Variants in CREB5 observed in about 807,000 individuals in gnomAD.
CREB5 encodes cAMP responsive element binding protein 5, also known as cyclic AMP-responsive element-binding protein 5.
A neutral mutation model predicts 57.1 loss-of-function variants in CREB5; 19 were observed. The ratio of observed to expected loss-of-function variants is 0.33; its 90% CI spans 0.23 to 0.49. The LOEUF is 0.49. CREB5 is among the 20% of genes least tolerant of loss of function. The pLI, the probability that CREB5 is intolerant of heterozygous loss-of-function variation, is 0.99. For missense variants in CREB5, 579 were observed against 671.6 expected, an observed-to-expected ratio of 0.86 and a Z score of 1.52; for synonymous variants, 238 against 238.3, an observed-to-expected ratio of 1.00 and a Z score of 0.01.
At chr7:28,442,659 G>A (rs1185939920) in intron 1 of CREB5, among the ~76,000 whole-genome samples, 1 of 152,096 alleles carries the variant, frequency 6.6e-6, no homozygotes, top group Admixed American at 6.5e-5. Flanking sequence ...TCTAACTGGG[G>A]TGAGATGATA....
chr7:28,396,831 C>T (rs527603683), intron 1 of CREB5, among the ~76,000 whole-genome samples: 1 of 152,270 alleles, frequency 6.6e-6, no homozygotes, highest in Admixed American at 6.5e-5. Flanking sequence ...CTGGCCCTGT[C>T]TTGTCTTATG....
chr7:28,626,506 G>T (rs1450600027), intron 5 of CREB5, among the ~76,000 whole-genome samples: 3 of 152,142 alleles, frequency 2.0e-5, no homozygotes, highest in African/African-American at 7.2e-5. Context: ...CCTGCCCGTA[G>T]CTAAGGAGCT....
chr7:28,570,392 G>A lies in CREB5; in HGVS notation c.319G>A (p.Gly107Arg). 6.2e-7 allele frequency: 1 copy of A among 1,613,918 alleles called. No individual in the cohort carries two copies. The highest frequency in any genetic ancestry group is 8.5e-7 in the Non-Finnish European group (1 of 1,179,860). ...TATCTCGATGCATAATGCAGTTGGT[G>A]GGGCCATGACGGGGCCCGGAACTCA... ...RNISMHNAVG[G>R]AMTGPGTHQL... Residue 107 changes from glycine (G) to arginine (R), a missense_variant, in exon 5 of 11, where the codon GGG (glycine) becomes AGG (arginine). Gly to Arg is a moderately radical substitution (Grantham distance 125). This residue lies in a region of CREB5 where 459 missense variants were observed against 515.7 expected (regional missense o/e 0.89). Transcript: ENST00000357727.
intron 7 of CREB5, among the ~76,000 whole-genome samples, chr7:28,794,856 A>T (rs1385887522): frequency 6.6e-6 from 1 of 152,202 alleles, no homozygotes; most frequent in African/African-American, 2.4e-5. Context: ...CTTTTTAGAA[A>T]TCATCAAACG....
intron 7 of CREB5, among the ~76,000 whole-genome samples, chr7:28,759,794 A>G (rs10227088): frequency 0.68 from 102,785 of 152,112 alleles, 35,112 homozygotes; most frequent in East Asian, 0.84. Flanking sequence ...AGTGGGAACC[A>G]TTTGGAATTT....
intron 5 of CREB5, among the ~76,000 whole-genome samples, chr7:28,622,403 T>C (rs1414496576): frequency 1.3e-5 from 2 of 151,994 alleles, no homozygotes; most frequent in Non-Finnish European, 2.9e-5. Context: ...ATGCCCTCTA[T>C]AAGGCAGCTA....
At chr7:28,482,763 G>A (rs1221454204) in intron 1 of CREB5, among the ~76,000 whole-genome samples, 1 of 152,152 alleles carries the variant, frequency 6.6e-6, no homozygotes, top group Non-Finnish European at 1.5e-5. Context: ...AATATCAGAG[G>A]TGACAGGGAC....
rs868317902 is a variant in CREB5, at chr7:28,698,367, A to C, written c.465-20386A>C. Among the ~76,000 whole-genome samples, 5 of 147,226 alleles carry C rather than the reference A, an allele frequency of 3.4e-5. No homozygotes were observed. The East Asian group carries it at 5.8e-4, about 17-fold the overall frequency. Reference sequence around the variant, plus strand: ...CCCACTCCCCACCAAAAAAAAAAAAAAAAACACACTCACAGGGCTAAGAGA... The same window carrying C: ...CCCACTCCCCACCAAAAAAAAAAAACAAAACACACTCACAGGGCTAAGAGA... On this transcript the variant is annotated intron_variant, in intron 5 of 10. Coordinates refer to ENST00000357727, the MANE Select transcript of CREB5 (RefSeq NM_182898.4).
At chr7:28,445,188 C>T (rs964093888) in intron 1 of CREB5, among the ~76,000 whole-genome samples, 8 of 152,296 alleles carry the variant, frequency 5.3e-5, no homozygotes, top group African/African-American at 1.9e-4. Flanking sequence ...TCCCCAGCCA[C>T]GTGGAACTGC....
intron 5 of CREB5, among the ~76,000 whole-genome samples, chr7:28,681,515 C>G (rs1448360868): frequency 2.6e-5 from 4 of 152,070 alleles, no homozygotes; most frequent in African/African-American, 7.2e-5. Flanking sequence ...TAGATGTATG[C>G]CACCACGCCC....
rs1809844688 is a variant in CREB5 at position 28,822,657 on chromosome 7, CA to C, written c.*3380del. ...CCCTGCCTTATGTGATGGGAGTTAA[CA>C]ACTCAGATAAGTACACCTGAGAGCA... On this transcript the variant is annotated 3_prime_UTR_variant, in exon 11 of 11. Coordinates refer to ENST00000357727, the MANE Select transcript of CREB5 (RefSeq NM_182898.4). 1.3e-5 allele frequency: 2 copies of C among 152,612 alleles called. No homozygotes were observed. Among genetic ancestry groups the C allele is most frequent in the Non-Finnish European group, 2.9e-5 (2 of 68,044 alleles). 9.5% of individuals were successfully genotyped at this position (152,612 alleles called of 1,614,324 possible). A position where few individuals can be genotyped will look rare whatever the true frequency, so the allele number is the denominator to read the frequency against.
chr7:28,613,815 C>CA (rs1334791851), intron 5 of CREB5, among the ~76,000 whole-genome samples: 2 of 152,106 alleles, frequency 1.3e-5, no homozygotes, highest in Non-Finnish European at 2.9e-5. Flanking sequence ...GGCTTAGAGT[C>CA]AGAGTTCAAA....
intron 5 of CREB5, among the ~76,000 whole-genome samples, chr7:28,668,925 G>C (rs755666538): frequency 3.9e-5 from 6 of 152,142 alleles, no homozygotes; most frequent in Non-Finnish European, 5.9e-5. Flanking sequence ...CTCAGTTCTA[G>C]ACCTTGTCCT....
At chr7:28,560,866 C>CGTGTGCGTGCGCGCGTGTGCG (rs1562797336) in intron 4 of CREB5, among the ~76,000 whole-genome samples, 1 of 50,264 alleles carries the variant, frequency 2.0e-5, no homozygotes, top group Non-Finnish European at 4.3e-5. Flanking sequence ...GTGCGTGTGC[C>CGTGTGCGTGCGCGCGTGTGCG]TGCGTGCGCG....
upstream of CREB5, chr7:28,410,121 C>T (rs1175680585): frequency 2.6e-6 from 1 of 383,440 alleles, no homozygotes; most frequent in Non-Finnish European, 5.1e-6. Flanking sequence ...GCAGCTGCCA[C>T]CTCTCCCGCC....
intron 4 of CREB5, among the ~76,000 whole-genome samples, chr7:28,534,382 C>T (rs1793867074): frequency 6.6e-6 from 1 of 152,252 alleles, no homozygotes; most frequent in African/African-American, 2.4e-5. Context: ...CCCTCTCCAG[C>T]TCAGCCCCTC....
At chr7:28,622,646 A>G (rs1379495023) in intron 5 of CREB5, among the ~76,000 whole-genome samples, 1 of 152,180 alleles carries the variant, frequency 6.6e-6, no homozygotes, top group Non-Finnish European at 1.5e-5. Context: ...TTTAGAGATG[A>G]AGAAACTGAG....
intron 1 of CREB5, among the ~76,000 whole-genome samples, chr7:28,484,630 A>C (rs1299118616): frequency 6.6e-6 from 1 of 152,196 alleles, no homozygotes; most frequent in Admixed American, 6.5e-5. Flanking sequence ...CGTTGCTAAA[A>C]CATATTTGGT....
intron 5 of CREB5, among the ~76,000 whole-genome samples, chr7:28,600,930 C>G (rs1356719631): frequency 6.6e-6 from 1 of 152,110 alleles, no homozygotes; most frequent in Non-Finnish European, 1.5e-5. Flanking sequence ...GGCTTCCCTG[C>G]CCCCCTAAGA....
Sources: gnomAD v4.1 joint callset for allele counts (sites outside exome capture counted in the v4.1 genomes callset) on GRCh38, gnomAD v4.1.1 for gene constraint, gnomAD v4.1.1 regional missense constraint, MANE v1.5 for transcripts, NCBI Gene and HGNC (gene_info 2026-07-23, HGNC 2026-07-21) for gene names.